SLC6A3: variants seen among roughly 807,000 people sequenced by gnomAD.
SLC6A3 encodes solute carrier family 6 member 3, also known as sodium-dependent dopamine transporter.
A neutral mutation model predicts 70.4 loss-of-function variants in SLC6A3; 19 were observed. That is an observed-to-expected ratio of 0.27 (90% confidence interval 0.19 to 0.40). The LOEUF is 0.40. Among genes scored for constraint, SLC6A3 ranks in the 10% least tolerant of loss-of-function variants. The pLI is 1.00. For missense variants in SLC6A3, 613 were observed against 838.5 expected (o/e 0.73, Z 3.32); for synonymous variants, 368 against 356.6 (o/e 1.03, Z -0.36).
intron 6 of SLC6A3, among the ~76,000 whole-genome samples, chr5:1,418,698 A>G (rs1202928217): frequency 6.7e-6 from 1 of 150,136 alleles, no homozygotes; most frequent in African/African-American, 2.5e-5. Context: ...TCATCCACCA[A>G]TCCACCCATC....
rs1755634421 is a variant in SLC6A3 at position 1,393,636 on chromosome 5, GCA to G, written c.*1097_*1098del. The G allele has an allele frequency of 6.9e-6, 1 of 144,084 alleles. No homozygotes were observed. Among genetic ancestry groups the G allele is most frequent in the Non-Finnish European group, 1.5e-5 (1 of 65,150 alleles). The allele number at this position is 144,084 out of a possible 1,614,324, so 8.9% of individuals were successfully genotyped here. ...ACACGCTCCTGTGGGGGCCCTGCAT[GCA>G]TCCTGGGGTAGTACACGCTCCTGTG... On this transcript the variant is annotated 3_prime_UTR_variant, in exon 15 of 15. Transcript: ENST00000270349.
At chr5:1,430,800 A>ACCTC (rs2126390422) in intron 4 of SLC6A3, among the ~76,000 whole-genome samples, 2 of 152,068 alleles carry the variant, frequency 1.3e-5, no homozygotes, top group Non-Finnish European at 2.9e-5. Context: ...TTCTCTGCTC[A>ACCTC]CCGTGACTTG....
In SLC6A3 at chr5:1,436,778, C is replaced by T. The variant is rs1425887782; in HGVS notation, c.419-4080G>A. ...AGGGTCGTGCCTGCAAATGGTGCTT[C>T]GCCCACCAGAGCACGGCCACCCTGC... On this transcript the variant is annotated intron_variant, in intron 3 of 14. Transcript: ENST00000270349. This position sits in a 1 kb window ranked among gnomAD's most constrained non-coding sequence, Gnocchi z 5.2. Among the ~76,000 whole-genome samples the T allele has an allele frequency of 1.3e-5, 2 of 152,192 alleles. No individual in the cohort carries two copies. Among genetic ancestry groups the T allele is most frequent in the South Asian group, 2.1e-4 (1 of 4,828 alleles).
In SLC6A3 at chr5:1,406,339, G is replaced by A. The variant is rs764226305; in HGVS notation, c.1499-51C>T. 26 of 1,460,582 alleles carry A rather than the reference G, an allele frequency of 1.8e-5. No homozygotes were observed. Among genetic ancestry groups the A allele is most frequent in the South Asian group, 3.4e-5 (3 of 88,178 alleles). The allele number at this position is 1,460,582 out of a possible 1,614,324, so 90.5% of individuals were successfully genotyped here. A position where few individuals can be genotyped will look rare whatever the true frequency, so the allele number is the denominator to read the frequency against. The stretch of plus-strand genomic sequence containing the variant: ...GTCCATCAGGGCAGCGCATTCCCCC[G>A]ATGCTGGACACGTGTGGGGGTCCTC... On this transcript the variant is annotated intron_variant, in intron 11 of 14. Transcript: ENST00000270349. This position sits in a 1 kb window ranked among gnomAD's most constrained non-coding sequence, Gnocchi z 8.8.
At chr5:1,416,609 C>A (rs1180770791) in intron 6 of SLC6A3, 2 of 351,342 alleles carry the variant, frequency 5.7e-6, no homozygotes, top group Non-Finnish European at 1.1e-5. Context: ...GTCCTAATAA[C>A]CCTTAGAACA....
rs112111151 is a variant in SLC6A3 at position 1,418,432 on chromosome 5, A to G, written c.927+2137T>C. On this transcript the variant is annotated intron_variant, in intron 6 of 14. Transcript: ENST00000270349. Reference sequence around the variant, plus strand: ...TATCTATCTATCATCTATCACTGTCATCTATCAATCCATCACCAATCTATC... The same window carrying G: ...TATCTATCTATCATCTATCACTGTCGTCTATCAATCCATCACCAATCTATC... Among the ~76,000 whole-genome samples, 648 of 152,252 alleles carry G rather than the reference A, an allele frequency of 4.3e-3. 3 individuals are homozygous for G. Among genetic ancestry groups the G allele is most frequent in the African/African-American group, 0.014 (584 of 41,530 alleles).
Position 1,402,871 on chromosome 5 carries a change from C to G in SLC6A3, c.1767+51G>C, listed in dbSNP as rs564928019. ...ACTGGGGCCATGGACACCCACGGAG[C>G]CTTTCTGGTGGCCTCACACTCGGGT... On this transcript the variant is annotated intron_variant, in intron 13 of 14. Coordinates refer to ENST00000270349, the MANE Select transcript of SLC6A3 (RefSeq NM_001044.5). This position sits in a 1 kb window ranked among gnomAD's most constrained non-coding sequence, Gnocchi z 8.5. 3.1e-6 allele frequency: 5 copies of G among 1,590,428 alleles called. No individual in the cohort carries two copies. The highest frequency in any genetic ancestry group is 2.7e-5 in the African/African-American group (2 of 74,298).
At chr5:1,416,774 C>T (rs974109335) in intron 6 of SLC6A3, among the ~76,000 whole-genome samples, 28 of 151,212 alleles carry the variant, frequency 1.9e-4, no homozygotes, top group African/African-American at 6.6e-4. Context: ...GTCCTAATAG[C>T]CCTCAGAAGA....
rs373050350 is a variant in SLC6A3, at chr5:1,442,982, G to T, written c.216C>A (p.Ser72=). 3 of 1,614,202 alleles carry T rather than the reference G, an allele frequency of 1.9e-6. No individual in the cohort carries two copies. The highest frequency in any genetic ancestry group is 2.5e-6 in the Non-Finnish European group (3 of 1,180,046). Residue 72 remains serine, a synonymous_variant, in exon 2 of 15, where the codon TCC becomes TCA. Transcript: ENST00000270349. This position sits in a 1 kb window ranked among gnomAD's most constrained non-coding sequence, Gnocchi z 5.0. The stretch of plus-strand genomic sequence containing the variant: ...CCAGGTCCACAGCAAAGCCAATGAC[G>T]GACAGGAGAAAGTCGATCTTCTTGC... ...TWGKKIDFLL[S]VIGFAVDLAN...
In SLC6A3 at chr5:1,405,729, G is replaced by A. The variant is rs1381204257; in HGVS notation, c.1599+459C>T. 1.3e-5 allele frequency among the ~76,000 whole-genome samples: 2 copies of A among 152,280 alleles called. No homozygotes were observed. Among genetic ancestry groups the A allele is most frequent in the African/African-American group, 4.8e-5 (2 of 41,480 alleles). ...CAGAAGCAAGTGCCTACTGGACACAGTGATGCTGCTGAGCCAGAGGGAGGC... is the reference window on the plus strand; with the variant it reads ...CAGAAGCAAGTGCCTACTGGACACAATGATGCTGCTGAGCCAGAGGGAGGC... On this transcript the variant is annotated intron_variant, in intron 12 of 14. Transcript: ENST00000270349. The surrounding 1 kb of genome is among the most constrained non-coding windows in gnomAD (Gnocchi z 5.3).
In SLC6A3 at chr5:1,428,297, T is replaced by A. The variant is rs530480462; in HGVS notation, c.653+4167A>T. On this transcript the variant is annotated intron_variant, in intron 4 of 14. Transcript: ENST00000270349. ...AGATTAGGGAATACTTTGAACTGAATGAAATGAAAACACAGCATATCAAAC... is the reference window on the plus strand; with the variant it reads ...AGATTAGGGAATACTTTGAACTGAAAGAAATGAAAACACAGCATATCAAAC... Among the ~76,000 whole-genome samples the A allele has an allele frequency of 7.2e-5, 11 of 152,288 alleles. 1 individual carries two copies. The highest frequency in any genetic ancestry group is 7.2e-4 in the Admixed American group (11 of 15,292).
chr5:1,416,052 T>C (rs1756282683), intron 7 of SLC6A3, 46 bp downstream of exon 7: 3 of 1,391,480 alleles, frequency 2.2e-6, no homozygotes, highest in African/African-American at 2.8e-5. Context: ...CAGCGACCTC[T>C]CCCTAGTATT....
In SLC6A3 at chr5:1,408,488, G is replaced by A. The variant is rs1300387076; in HGVS notation, c.1498+538C>T. Among the ~76,000 whole-genome samples the A allele has an allele frequency of 6.6e-6, 1 of 151,700 alleles. No individual in the cohort carries two copies. Among genetic ancestry groups the A allele is most frequent in the African/African-American group, 2.4e-5 (1 of 41,372 alleles). ...GTGACTTGGCCAGGTCAGCATGTGG[G>A]GAAAGGGCAGCCCTGGCTCCAGGCT... On this transcript the variant is annotated intron_variant, in intron 11 of 14. Transcript: ENST00000270349. This position sits in a 1 kb window ranked among gnomAD's most constrained non-coding sequence, Gnocchi z 6.4.
chr5:1,420,620 G>A lies in SLC6A3; in HGVS notation c.876C>T (p.Asp292=), dbSNP rs146615804. 3.1e-5 allele frequency: 50 copies of A among 1,613,530 alleles called. No individual in the cohort carries two copies. The highest frequency in any genetic ancestry group is 5.3e-5 in the African/African-American group (4 of 74,932). Residue 292 remains aspartate, a synonymous_variant, in exon 6 of 15, where the codon GAC becomes GAT. Transcript: ENST00000270349. Reference sequence around the variant, plus strand: ...CAACGCTCAGGTATGCTCTGATGCCGTCTATGGCTCCAGGGAGGGTGACCC... The same window carrying A: ...CAACGCTCAGGTATGCTCTGATGCCATCTATGGCTCCAGGGAGGGTGACCC... The part of the protein sequence containing the change: ...LRGVTLPGAI[D]GIRAYLSVDF...
In SLC6A3 at chr5:1,406,716, A is replaced by G. The variant is rs531306343; in HGVS notation, c.1499-428T>C. Among the ~76,000 whole-genome samples, 1 of 149,732 alleles carries G rather than the reference A, an allele frequency of 6.7e-6. No homozygotes were observed. The highest frequency in any genetic ancestry group is 2.4e-5 in the African/African-American group (1 of 41,322). On this transcript the variant is annotated intron_variant, in intron 11 of 14. Coordinates refer to ENST00000270349, the MANE Select transcript of SLC6A3 (RefSeq NM_001044.5). The surrounding 1 kb of genome is among the most constrained non-coding windows in gnomAD (Gnocchi z 8.8). ...GTTCATAATGTATCAATACATTCACATACTGTGTAACCGTCACCACCGTCC... is the reference window on the plus strand; with the variant it reads ...GTTCATAATGTATCAATACATTCACGTACTGTGTAACCGTCACCACCGTCC...
chr5:1,398,751 T>C (rs1755778317), intron 14 of SLC6A3, among the ~76,000 whole-genome samples: 1 of 152,198 alleles, frequency 6.6e-6, no homozygotes, highest in African/African-American at 2.4e-5. Flanking sequence ...ACCAAAAGCA[T>C]CATTAGGGAG....
Position 1,423,599 on chromosome 5 carries a change from C to T in SLC6A3, c.654-1585G>A, listed in dbSNP as rs1042953953. ...AGTTCCACTGTTTTTTGAAGGATCC[C>T]TCAGAAAGGGCAGAACAGAGGGTGA... On this transcript the variant is annotated intron_variant, in intron 4 of 14. Coordinates refer to ENST00000270349, the MANE Select transcript of SLC6A3 (RefSeq NM_001044.5). 2.6e-5 allele frequency among the ~76,000 whole-genome samples: 4 copies of T among 152,232 alleles called. 1 individual carries two copies. The highest frequency in any genetic ancestry group is 4.8e-5 in the African/African-American group (2 of 41,448).
In SLC6A3 at chr5:1,394,902, T is replaced by C. The variant is rs1755678097; in HGVS notation, c.1840-144A>G. 2.4e-6 allele frequency: 2 copies of C among 845,498 alleles called. No homozygotes were observed. Among genetic ancestry groups the C allele is most frequent in the East Asian group, 4.9e-5 (2 of 40,982 alleles). 52.4% of individuals were successfully genotyped at this position (845,498 alleles called of 1,614,324 possible). A position where few individuals can be genotyped will look rare whatever the true frequency, so the allele number is the denominator to read the frequency against. ...TGCCCTGGGAGAAGGGGAGGCTCAC[T>C]GGGGGCCTGGACCAACACACCCTTG... On this transcript the variant is annotated intron_variant, in intron 14 of 14. Coordinates refer to ENST00000270349, the MANE Select transcript of SLC6A3 (RefSeq NM_001044.5). The surrounding 1 kb of genome is among the most constrained non-coding windows in gnomAD (Gnocchi z 4.7).
intron 7 of SLC6A3, among the ~76,000 whole-genome samples, chr5:1,415,042 G>A (rs928716345): frequency 1.3e-5 from 2 of 152,146 alleles, no homozygotes; most frequent in African/African-American, 4.8e-5. Flanking sequence ...CAAGGCTCAG[G>A]GTGGGCAGAA....
Sources: allele counts gnomAD v4.1 joint callset (sites outside exome capture counted in the v4.1 genomes callset), GRCh38; gene constraint gnomAD v4.1.1; non-coding constraint Gnocchi (gnomAD v3.1); transcripts MANE v1.5; gene names NCBI Gene and HGNC (gene_info 2026-07-23, HGNC 2026-07-21).